TCF4: variants seen among roughly 807,000 people sequenced by gnomAD.
The protein encoded by TCF4 is transcription factor 4.
In TCF4, 3 loss-of-function variants were observed where a neutral mutation model predicts 82.1. That is an observed-to-expected ratio of 0.04 (90% CI 0.02 to 0.09). The LOEUF is 0.09. Ranked by LOEUF, TCF4 falls within the 10% of genes least tolerant of loss-of-function variation. TCF4 has a pLI of 1.00. For missense variants in TCF4, 518 were observed against 852.7 expected, an observed-to-expected ratio of 0.61 and a Z score of 4.89; for synonymous variants, 276 against 309.6, an observed-to-expected ratio of 0.89 and a Z score of 1.14.
chr18:55,413,366 A>G (rs2094422608), intron 5 of TCF4, among the ~76,000 whole-genome samples: 1 of 152,206 alleles, frequency 6.6e-6, no homozygotes, highest in Non-Finnish European at 1.5e-5. Flanking sequence ...AACAGCCCAG[A>G]ATTGAAAACA....
At chr18:55,398,543 C>T (rs1309167635) in intron 6 of TCF4, among the ~76,000 whole-genome samples, 3 of 152,142 alleles carry the variant, frequency 2.0e-5, no homozygotes, top group South Asian at 2.1e-4. Flanking sequence ...GAGTGGGTGT[C>T]TCTCCACGGT....
At chr18:55,511,683 G>A (rs2096830582) in intron 3 of TCF4, among the ~76,000 whole-genome samples, 2 of 151,760 alleles carry the variant, frequency 1.3e-5, no homozygotes, top group Admixed American at 6.6e-5. Context: ...TATATTTCTT[G>A]GACAAAGAAG....
intron 5 of TCF4, among the ~76,000 whole-genome samples, chr18:55,432,025 G>A (rs1326282631): frequency 1.3e-5 from 2 of 152,178 alleles, no homozygotes; most frequent in African/African-American, 4.8e-5. Context: ...ATCTGGGCTG[G>A]GCAAGGTGGC....
At position 55,338,875 on chromosome 18, in the gene TCF4, A is replaced by G. The variant is rs1382753950; in HGVS notation, c.549+11484T>C. 2.0e-5 allele frequency among the ~76,000 whole-genome samples: 3 copies of G among 152,354 alleles called. No individual in the cohort carries two copies. In the South Asian group the frequency reaches 6.2e-4, roughly 32 times the overall value. On this transcript the variant is annotated intron_variant, in intron 8 of 19. Coordinates refer to ENST00000354452, the MANE Select transcript of TCF4 (RefSeq NM_001083962.2). ...AGGACTGCAATTGCTGGGCATTTCA[A>G]AAGTCTGAGAGTACCCTGGGCATCT...
At chr18:55,229,195 G>A (rs1406712207) in intron 17 of TCF4, 119 bp from the exon 18 acceptor site, 5 of 1,173,798 alleles carry the variant, frequency 4.3e-6, no homozygotes, top group Non-Finnish European at 6.3e-6. Flanking sequence ...CATGTTTTTG[G>A]CAGAATTTTT....
intron 5 of TCF4, among the ~76,000 whole-genome samples, chr18:55,434,763 C>CGTGTGTGTGT (rs527450659): frequency 0.062 from 8,162 of 131,660 alleles, 388 homozygotes; most frequent in Non-Finnish European, 0.081. Flanking sequence ...CTCAAGTATT[C>CGTGTGTGTGT]GTGTGTGTGT....
chr18:55,459,511 A>C (rs770337427), intron 5 of TCF4, among the ~76,000 whole-genome samples: 10 of 152,212 alleles, frequency 6.6e-5, no homozygotes, highest in Non-Finnish European at 1.0e-4. Context: ...CAAGGAAGTT[A>C]GTATATTATT....
chr18:55,588,559 A>G (rs1380739357), upstream of TCF4: 6 of 1,529,942 alleles, frequency 3.9e-6, no homozygotes, highest in Non-Finnish European at 5.2e-6. Context: ...TTTGAAATTT[A>G]TTCGAGTTTA....
At chr18:55,540,474 G>T (rs2097156199) in intron 3 of TCF4, among the ~76,000 whole-genome samples, 1 of 151,956 alleles carries the variant, frequency 6.6e-6, no homozygotes, top group African/African-American at 2.4e-5. Context: ...TCATTACAGA[G>T]AAATATAATT....
chr18:55,406,934 C>G (rs1216999778), intron 5 of TCF4, among the ~76,000 whole-genome samples: 1 of 152,014 alleles, frequency 6.6e-6, no homozygotes, highest in African/African-American at 2.4e-5. Context: ...AGTGCCAAGC[C>G]CCATGGCTAA....
chr18:55,444,975 C>A (rs1411346539), intron 5 of TCF4, among the ~76,000 whole-genome samples: 1 of 152,156 alleles, frequency 6.6e-6, no homozygotes, highest in Non-Finnish European at 1.5e-5. Flanking sequence ...ATTTTAATAT[C>A]ACTCAAATCC....
intron 8 of TCF4, among the ~76,000 whole-genome samples, chr18:55,346,509 C>G (rs2081213394): frequency 6.6e-6 from 1 of 152,130 alleles, no homozygotes; most frequent in Non-Finnish European, 1.5e-5. Context: ...AGAAGTACAG[C>G]TTTAGGAAAG....
intron 8 of TCF4, among the ~76,000 whole-genome samples, chr18:55,324,246 T>C (rs1026936698): frequency 6.6e-6 from 1 of 152,338 alleles, no homozygotes; most frequent in Middle Eastern, 3.4e-3. Context: ...AATAAAGATA[T>C]AATGCTTTGA....
chr18:55,578,277 A>T (rs1479867755), intron 3 of TCF4, among the ~76,000 whole-genome samples: 1 of 152,088 alleles, frequency 6.6e-6, no homozygotes, highest in African/African-American at 2.4e-5. Context: ...CCTTCTTAAG[A>T]AATATACAGT....
intron 10 of TCF4, among the ~76,000 whole-genome samples, chr18:55,272,148 G>A (rs2060518062): frequency 6.6e-6 from 1 of 151,954 alleles, no homozygotes; most frequent in South Asian, 2.1e-4. Context: ...TGAGTTCACA[G>A]AATAAAAAGA....
At chr18:55,234,367 G>T in intron 16 of TCF4, 181 bp downstream of exon 16, 1 of 799,108 alleles carries the variant, frequency 1.3e-6, no homozygotes, top group Non-Finnish European at 2.0e-6. Context: ...ACAGTCCCTG[G>T]AGAAACACAA....
At chr18:55,269,019 C>T (rs756896723) in intron 11 of TCF4, 2 of 152,256 alleles carry the variant, frequency 1.3e-5, no homozygotes, top group Admixed American at 1.3e-4. Flanking sequence ...AGCTATCTCC[C>T]CACCAACTCC....
At chr18:55,289,811 C>A (rs1035055207) in intron 8 of TCF4, among the ~76,000 whole-genome samples, 2 of 152,036 alleles carry the variant, frequency 1.3e-5, no homozygotes, top group African/African-American at 4.8e-5. Flanking sequence ...TTCTTCTATA[C>A]CCTATTGTAC....
chr18:55,322,592 C>G (rs892149257), intron 8 of TCF4, among the ~76,000 whole-genome samples: 1 of 152,186 alleles, frequency 6.6e-6, no homozygotes, highest in Non-Finnish European at 1.5e-5. Context: ...CCGGCCTCCC[C>G]GGAGCTGGTG....
Sources: gnomAD v4.1 joint callset for allele counts (sites outside exome capture counted in the v4.1 genomes callset) on GRCh38, gnomAD v4.1.1 for gene constraint, MANE v1.5 for transcripts, NCBI Gene and HGNC (gene_info 2026-07-23, HGNC 2026-07-21) for gene names.